The following INPP4B variants were observed in gnomAD, a reference collection of about 807,000 sequenced individuals.
The protein encoded by INPP4B is inositol polyphosphate 4-phosphatase type II.
In INPP4B, 55 loss-of-function variants were observed where a neutral mutation model predicts 122.5. The observed-to-expected ratio is 0.45, with a 90% CI of 0.36 to 0.56. INPP4B has a LOEUF of 0.56. INPP4B is among the 20% of genes least tolerant of loss of function. The pLI is 0.00. For missense variants in INPP4B, 1,000 were observed against 1,097.7 expected (o/e 0.91, Z 1.26); for synonymous variants, 403 against 388.7 (o/e 1.04, Z -0.43).
chr4:142,708,209 G>T (rs1429825612), intron 2 of INPP4B, among the ~76,000 whole-genome samples: 3 of 152,160 alleles, frequency 2.0e-5, no homozygotes, highest in Non-Finnish European at 4.4e-5. Flanking sequence ...TAGGCAAAGA[G>T]ATGATCTGAA....
rs538979426 is a variant in INPP4B at position 142,253,261 on chromosome 4, C to T, written c.688+7231G>A. ...AATGTGAAGTCCTAGAACATTACCA[C>T]ATACTACCGTAGACTTGGTAAACAG... On this transcript the variant is annotated intron_variant, in intron 11 of 25. Transcript: ENST00000262992. Among the ~76,000 whole-genome samples, 13 of 152,282 alleles carry T rather than the reference C, an allele frequency of 8.5e-5. No individual in the cohort carries two copies. In the South Asian group the frequency reaches 2.3e-3, roughly 27 times the overall value.
chr4:142,566,886 G>A (rs1018195718), intron 2 of INPP4B, among the ~76,000 whole-genome samples: 4 of 152,284 alleles, frequency 2.6e-5, no homozygotes, highest in Middle Eastern at 3.4e-3. Flanking sequence ...AAGAATAAGT[G>A]AAGCTCTCTT....
At chr4:142,228,590 A>C (rs1852669410) in intron 12 of INPP4B, among the ~76,000 whole-genome samples, 1 of 152,074 alleles carries the variant, frequency 6.6e-6, no homozygotes, top group Non-Finnish European at 1.5e-5. Context: ...ATCTACTTTT[A>C]CAACATGCTA....
At chr4:142,380,650 T>C (rs1035385970) in intron 7 of INPP4B, among the ~76,000 whole-genome samples, 4 of 152,094 alleles carry the variant, frequency 2.6e-5, no homozygotes, top group African/African-American at 9.7e-5. Context: ...TGTTTTATTA[T>C]GCTATTATTT....
At chr4:142,376,335 C>T (rs1487189564) in intron 7 of INPP4B, among the ~76,000 whole-genome samples, 1 of 151,984 alleles carries the variant, frequency 6.6e-6, no homozygotes, top group African/African-American at 2.4e-5. Context: ...TTGTTCCTCT[C>T]AGATGTCAGT....
chr4:142,489,545 C>A (rs1283030692), intron 2 of INPP4B, among the ~76,000 whole-genome samples: 1 of 152,138 alleles, frequency 6.6e-6, no homozygotes, highest in Non-Finnish European at 1.5e-5. Flanking sequence ...AGGTATGTGC[C>A]ACTACGCTCT....
At chr4:142,787,563 G>A (rs561940178) in intron 1 of INPP4B, among the ~76,000 whole-genome samples, 3 of 152,020 alleles carry the variant, frequency 2.0e-5, no homozygotes, top group Non-Finnish European at 4.4e-5. Context: ...ACACCTATAA[G>A]CTGGGTTTCA....
intron 7 of INPP4B, among the ~76,000 whole-genome samples, chr4:142,390,346 C>G (rs1257573026): frequency 6.6e-6 from 1 of 152,122 alleles, no homozygotes; most frequent in African/African-American, 2.4e-5. Flanking sequence ...AAAGCGGAGT[C>G]TTCCCTCTAT....
chr4:142,461,658 A>C (rs1427018596), intron 3 of INPP4B, among the ~76,000 whole-genome samples: 2 of 152,218 alleles, frequency 1.3e-5, no homozygotes, highest in Non-Finnish European at 2.9e-5. Flanking sequence ...AAAATAGGTC[A>C]AGCTCCCTAA....
At chr4:142,396,729 T>C (rs998338913) in intron 7 of INPP4B, among the ~76,000 whole-genome samples, 1 of 151,878 alleles carries the variant, frequency 6.6e-6, no homozygotes, top group African/African-American at 2.4e-5. Context: ...AGAAAGTAAA[T>C]GAACAAATTG....
chr4:142,256,389 C>A (rs1050909785), intron 11 of INPP4B, among the ~76,000 whole-genome samples: 9 of 151,788 alleles, frequency 5.9e-5, no homozygotes, highest in South Asian at 2.1e-4. Context: ...ACACAAAAAA[C>A]CCTTCAAAAA....
At chr4:142,123,194 A>G in intron 20 of INPP4B, 98 bp downstream of exon 20, 1 of 1,014,936 alleles carries the variant, frequency 9.9e-7, no homozygotes, top group Non-Finnish European at 1.4e-6. Context: ...TTGGCACAAT[A>G]AAGGTTTACT....
chr4:142,575,560 C>G (rs1733661140), intron 2 of INPP4B, among the ~76,000 whole-genome samples: 1 of 152,052 alleles, frequency 6.6e-6, no homozygotes, highest in Admixed American at 6.6e-5. Flanking sequence ...GAGTTCCTCA[C>G]TTCTCATCAA....
At chr4:142,120,199 C>G (rs534041596) in intron 21 of INPP4B, among the ~76,000 whole-genome samples, 1 of 148,332 alleles carries the variant, frequency 6.7e-6, no homozygotes, top group Middle Eastern at 3.4e-3. Context: ...TTCTATTAAT[C>G]TACATTATAT....
intron 2 of INPP4B, among the ~76,000 whole-genome samples, chr4:142,623,402 C>A (rs750976620): frequency 9.9e-5 from 15 of 152,004 alleles, no homozygotes; most frequent in Admixed American, 2.0e-4. Flanking sequence ...AGTTGACACA[C>A]AAGCTGACAC....
At chr4:142,775,786 G>A (rs1488470159) in intron 1 of INPP4B, among the ~76,000 whole-genome samples, 3 of 152,192 alleles carry the variant, frequency 2.0e-5, no homozygotes, top group African/African-American at 7.2e-5. Flanking sequence ...TATCAGATAT[G>A]TTATTTAGGA....
At chr4:142,484,776 C>T (rs189342258) in intron 2 of INPP4B, among the ~76,000 whole-genome samples, 9 of 152,052 alleles carry the variant, frequency 5.9e-5, no homozygotes, top group Admixed American at 5.2e-4. Flanking sequence ...CTCCACCCTT[C>T]GACAGGTCCC....
At chr4:142,714,316 C>T (rs941218748) in intron 2 of INPP4B, among the ~76,000 whole-genome samples, 3 of 152,196 alleles carry the variant, frequency 2.0e-5, no homozygotes, top group Non-Finnish European at 4.4e-5. Flanking sequence ...CCAGGCATCA[C>T]GCCCTCAACC....
chr4:142,782,971 C>T (rs550213207), intron 1 of INPP4B, among the ~76,000 whole-genome samples: 25 of 152,074 alleles, frequency 1.6e-4, no homozygotes, highest in African/African-American at 5.5e-4. Context: ...ATGTAGAAAG[C>T]TGAAACTGGA....
Sources: gnomAD v4.1 joint callset for allele counts (sites outside exome capture counted in the v4.1 genomes callset) on GRCh38, gnomAD v4.1.1 for gene constraint, MANE v1.5 for transcripts, NCBI Gene and HGNC (gene_info 2026-07-23, HGNC 2026-07-21) for gene names.